Variants in GRIN2B observed in about 807,000 individuals in gnomAD.
GRIN2B encodes the protein glutamate ionotropic receptor NMDA type subunit 2B, also known as glutamate receptor ionotropic, NMDA 2B.
A neutral mutation model predicts 114.5 loss-of-function variants in GRIN2B; 5 were observed. The ratio of observed to expected loss-of-function variants is 0.04; its 90% confidence interval spans 0.02 to 0.09. The LOEUF is 0.09. GRIN2B is among the 10% of genes least tolerant of loss of function. GRIN2B has a pLI of 1.00. For synonymous variants in GRIN2B, 787 were observed against 745.1 expected (o/e 1.06, Z -0.92); for missense variants, 1,108 against 1,943.5 (o/e 0.57, Z 8.08).
chr12:13,914,342 T>C (rs1866674895), intron 2 of GRIN2B, among the ~76,000 whole-genome samples: 1 of 152,156 alleles, frequency 6.6e-6, no homozygotes, highest in Admixed American at 6.5e-5. Context: ...CTTTTTCATC[T>C]GTAAAAAGCA....
At chr12:13,698,428 A>T (rs1039551676) in intron 4 of GRIN2B, among the ~76,000 whole-genome samples, 2 of 152,232 alleles carry the variant, frequency 1.3e-5, no homozygotes, top group African/African-American at 2.4e-5. Flanking sequence ...TCAATTTTGT[A>T]TACGATAAAA....
At chr12:13,855,926 CTA>C (rs1865653448) in intron 3 of GRIN2B, among the ~76,000 whole-genome samples, 1 of 152,138 alleles carries the variant, frequency 6.6e-6, no homozygotes, top group Admixed American at 6.6e-5. Context: ...GCACCTGACA[CTA>C]TGTGCTAGGA....
intron 3 of GRIN2B, among the ~76,000 whole-genome samples, chr12:13,850,334 T>A (rs545914634): frequency 6.6e-6 from 1 of 152,038 alleles, no homozygotes; most frequent in Admixed American, 6.6e-5. Context: ...CAGAAAAAAA[T>A]TCCCCCAATC....
intron 2 of GRIN2B, among the ~76,000 whole-genome samples, chr12:13,948,385 T>A (rs578216181): frequency 2.6e-4 from 40 of 152,328 alleles, no homozygotes; most frequent in South Asian, 6.2e-4. Context: ...GATGCTGAGA[T>A]GTGTTCCTTG....
chr12:13,632,567 C>A (rs1467789942), intron 5 of GRIN2B, among the ~76,000 whole-genome samples: 3 of 152,170 alleles, frequency 2.0e-5, no homozygotes, highest in African/African-American at 7.2e-5. Flanking sequence ...CAGTGAATTT[C>A]TGCAGTTGTT....
intron 5 of GRIN2B, among the ~76,000 whole-genome samples, chr12:13,647,088 C>T (rs753098866): frequency 2.0e-5 from 3 of 152,040 alleles, no homozygotes; most frequent in Non-Finnish European, 4.4e-5. Context: ...AAGATGAAAA[C>T]ATAGCAGGGC....
In GRIN2B at chr12:13,615,420, C is replaced by T. The variant is rs1468845; in HGVS notation, c.1500+73G>A. 1,463,442 of 1,464,914 alleles carry T rather than the reference C, an allele frequency of 1. 730,996 individuals are homozygous for T. The highest frequency in any genetic ancestry group is 1 in the East Asian group (44,204 of 44,204). 90.7% of individuals were successfully genotyped at this position (1,464,914 alleles called of 1,614,324 possible). On this transcript the variant is annotated intron_variant, in intron 7 of 13. Transcript: ENST00000609686. This position sits in a 1 kb window ranked among gnomAD's most constrained non-coding sequence, Gnocchi z 5.8. ...TTTTCTGAAATGCATAAAGTGAGCA[C>T]GTTTTAAACTTATATTTAGAAGAAG...
intron 3 of GRIN2B, among the ~76,000 whole-genome samples, chr12:13,816,808 G>A (rs1377322605): frequency 6.6e-6 from 1 of 152,128 alleles, no homozygotes; most frequent in African/African-American, 2.4e-5. Flanking sequence ...AAATTCAGAT[G>A]TTTCTTCCTC....
At chr12:13,932,185 C>G (rs1015598791) in intron 2 of GRIN2B, among the ~76,000 whole-genome samples, 1 of 152,160 alleles carries the variant, frequency 6.6e-6, no homozygotes, top group African/African-American at 2.4e-5. Context: ...ACTGCTCAAA[C>G]ATACCAAACT....
chr12:13,919,289 T>C (rs11055687), intron 2 of GRIN2B, among the ~76,000 whole-genome samples: 15,544 of 152,214 alleles, frequency 0.1, 1,463 homozygotes, highest in East Asian at 0.43. Context: ...GGAGTCCCCA[T>C]ATATCATGTA....
chr12:13,733,021 T>C (rs1280038308), intron 4 of GRIN2B, among the ~76,000 whole-genome samples: 2 of 152,142 alleles, frequency 1.3e-5, no homozygotes, highest in African/African-American at 2.4e-5. Context: ...ATATTAAAAG[T>C]TTAACCAGGA....
chr12:13,657,437 C>A (rs1467461308), intron 5 of GRIN2B, among the ~76,000 whole-genome samples: 2 of 152,128 alleles, frequency 1.3e-5, no homozygotes, highest in Non-Finnish European at 2.9e-5. Flanking sequence ...CAATGGGAAT[C>A]CCAGGAGGGC....
At chr12:13,780,549 T>A (rs1864090038) in intron 3 of GRIN2B, among the ~76,000 whole-genome samples, 1 of 152,034 alleles carries the variant, frequency 6.6e-6, no homozygotes, top group African/African-American at 2.4e-5. Context: ...CCAAAAGAAA[T>A]GGGAACATTA....
At chr12:13,674,412 C>T (rs1246534309) in intron 5 of GRIN2B, among the ~76,000 whole-genome samples, 1 of 151,958 alleles carries the variant, frequency 6.6e-6, no homozygotes, top group Non-Finnish European at 1.5e-5. Flanking sequence ...TATAATTGTG[C>T]CCTATCTGAC....
intron 3 of GRIN2B, among the ~76,000 whole-genome samples, chr12:13,859,490 T>C (rs1184928416): frequency 6.6e-6 from 1 of 152,188 alleles, no homozygotes; most frequent in Non-Finnish European, 1.5e-5. Context: ...CAGAGCTACA[T>C]CACTACAAAG....
rs146986493 is a variant in GRIN2B at position 13,906,172 on chromosome 12, G to A, written c.-18-39946C>T. ...GACATTTTAATTTGTTTTTAGCAGA[G>A]GGTTGGGCTAAATAGCCACACAGCC... is the stretch of plus-strand genomic sequence containing the variant. On this transcript the variant is annotated intron_variant, in intron 2 of 13. Transcript: ENST00000609686. Among the ~76,000 whole-genome samples the A allele has an allele frequency of 7.9e-5, 12 of 152,246 alleles. 1 individual carries two copies. In the South Asian group the frequency reaches 2.5e-3, roughly 32 times the overall value.
At chr12:13,661,130 T>G (rs1007311731) in intron 5 of GRIN2B, among the ~76,000 whole-genome samples, 3 of 152,168 alleles carry the variant, frequency 2.0e-5, no homozygotes, top group African/African-American at 7.2e-5. Context: ...CTAGCTGAGC[T>G]TTTTCTCTGT....
intron 4 of GRIN2B, among the ~76,000 whole-genome samples, chr12:13,695,798 A>T (rs1311264538): frequency 6.6e-6 from 1 of 152,178 alleles, no homozygotes; most frequent in East Asian, 1.9e-4. Context: ...GGTTGGCATA[A>T]AGACAAGTTA....
Position 13,560,399 on chromosome 12 carries a change from A to AAAT in GRIN2B, c.*2381_*2383dup, listed in dbSNP as rs1948526445. 6.6e-6 allele frequency: 1 copy of AAAT among 152,238 alleles called. No individual in the cohort carries two copies. Among genetic ancestry groups the AAAT allele is most frequent in the Non-Finnish European group, 1.5e-5 (1 of 68,044 alleles). 9.4% of individuals were successfully genotyped at this position (152,238 alleles called of 1,614,324 possible). A position where few individuals can be genotyped will look rare whatever the true frequency, so the allele number is the denominator to read the frequency against. ...TTTATCTATACAAAATTAGAAAACA[A>AAAT]AATATTTACATATGAAATAAACACC... On this transcript the variant is annotated 3_prime_UTR_variant, in exon 14 of 14. Coordinates refer to ENST00000609686, the MANE Select transcript of GRIN2B (RefSeq NM_000834.5).
Sources: gnomAD v4.1 joint callset for allele counts (sites outside exome capture counted in the v4.1 genomes callset) on GRCh38, gnomAD v4.1.1 for gene constraint, Gnocchi (gnomAD v3.1) non-coding constraint, MANE v1.5 for transcripts, NCBI Gene and HGNC (gene_info 2026-07-23, HGNC 2026-07-21) for gene names.